ARPC1B: variants seen among roughly 807,000 people sequenced by gnomAD.
ARPC1B encodes actin-related protein 2/3 complex subunit 1B.
A neutral mutation model predicts 46.0 loss-of-function variants in ARPC1B; 29 were observed. The observed-to-expected ratio is 0.63, with a 90% confidence interval of 0.47 to 0.86. The LOEUF is 0.86. Among genes scored for constraint, ARPC1B ranks in the 40% least tolerant of loss-of-function variants. The pLI is 0.00. For synonymous variants in ARPC1B, 201 were observed against 213.9 expected (o/e 0.94, Z 0.53); for missense variants, 469 against 529.4 (o/e 0.89, Z 1.12).
At chr7:99,390,704 T>A (rs867941831) in intron 5 of ARPC1B, among the ~76,000 whole-genome samples, 189 bp from the exon 6 acceptor site, 3,128 of 145,096 alleles carry the variant, frequency 0.022, 52 homozygotes, top group South Asian at 0.038. Context: ...TAAAAAAAAT[T>A]TTTTTTTTTT....
chr7:99,385,719 C>T lies in ARPC1B; in HGVS notation c.5C>T (p.Ala2Val). The change falls in exon 2 of 10, where the codon GCC becomes GTC. Residue 2 changes from alanine (A) to valine (V), a missense_variant. Transcript: ENST00000646101. Reference protein sequence around the residue: MAYHSFLVEPIS... With the variant: MVYHSFLVEPIS... ...GGGCACAGGAGCCAAGCCGCCATGG[C>T]CTACCACAGCTTCCTGGTGGAGCCC... 1 of 1,610,302 alleles carries T rather than the reference C, an allele frequency of 6.2e-7. No individual in the cohort carries two copies. Among genetic ancestry groups the T allele is most frequent in the Admixed American group, 1.7e-5 (1 of 59,640 alleles).
chr7:99,392,610 C>A (rs931206993), intron 7 of ARPC1B, 61 bp from the exon 8 acceptor site: 4 of 1,402,304 alleles, frequency 2.9e-6, no homozygotes, highest in African/African-American at 3.0e-5. Flanking sequence ...GCCCGCCTGG[C>A]CTTCCCTCCG....
chr7:99,394,286 G>C (rs1794690621), intron 9 of ARPC1B, 165 bp from the exon 10 acceptor site: 4 of 1,031,366 alleles, frequency 3.9e-6, no homozygotes, highest in Non-Finnish European at 5.9e-6. Context: ...GTGCTCACTG[G>C]GGCACCCGTC....
intron 8 of ARPC1B, 75 bp from the exon 9 acceptor site, chr7:99,393,954 C>A (rs935644400): frequency 8.1e-6 from 12 of 1,472,846 alleles, no homozygotes; most frequent in Non-Finnish European, 1.1e-5. Flanking sequence ...AGTCTGGGAG[C>A]GCCTGGTGGA....
intron 4 of ARPC1B, chr7:99,388,549 GTCA>G: frequency 2.5e-6 from 1 of 403,316 alleles, no homozygotes; most frequent in South Asian, 3.6e-5. Context: ...CTGGGCATCG[GTCA>G]CTGTCCCCAC....
intron 1 of ARPC1B, among the ~76,000 whole-genome samples, chr7:99,378,661 C>A (rs533108786): frequency 6.7e-6 from 1 of 149,882 alleles, no homozygotes; most frequent in Non-Finnish European, 1.5e-5. Flanking sequence ...CCAGCCTGGG[C>A]GACAGAATGA....
rs1794712587 is a variant in ARPC1B, at chr7:99,394,778, G to GT, written c.*290dup. The GT allele has an allele frequency of 1.4e-5, 11 of 789,678 alleles. No homozygotes were observed. Among genetic ancestry groups the GT allele is most frequent in the South Asian group, 1.4e-4 (2 of 14,618 alleles). The allele number at this position is 789,678 out of a possible 1,614,324, so 48.9% of individuals were successfully genotyped here. On this transcript the variant is annotated 3_prime_UTR_variant, in exon 10 of 10. Transcript: ENST00000646101. ...TGTGGAGGTAATAAAATGCAACTGTGTAAAAAAAAAAAAAAAAAAAAAAGT... is the reference window on the plus strand; with the variant it reads ...TGTGGAGGTAATAAAATGCAACTGTGTTAAAAAAAAAAAAAAAAAAAAAAGT...
chr7:99,387,939 C>T (rs1349774997), intron 3 of ARPC1B, 100 bp from the exon 4 acceptor site: 3 of 773,580 alleles, frequency 3.9e-6, no homozygotes, highest in East Asian at 2.5e-5. Flanking sequence ...ATACAGCTTC[C>T]ACCTGGATGG....
intron 8 of ARPC1B, among the ~76,000 whole-genome samples, chr7:99,393,256 G>A (rs1430263721): frequency 6.6e-6 from 1 of 152,246 alleles, no homozygotes; most frequent in Non-Finnish European, 1.5e-5. Flanking sequence ...AGGTGCTAGT[G>A]GAGCCTGGGA....
chr7:99,390,702 AT>A (rs557286731), intron 5 of ARPC1B, among the ~76,000 whole-genome samples, 190 bp from the exon 6 acceptor site: 3,411 of 142,986 alleles, frequency 0.024, 53 homozygotes, highest in South Asian at 0.039. Flanking sequence ...TTTAAAAAAA[AT>A]TTTTTTTTTT....
chr7:99,374,870 T>C lies in ARPC1B; in HGVS notation c.-14+89T>C, dbSNP rs1793985381. On this transcript the variant is annotated intron_variant, in intron 1 of 9. Coordinates refer to ENST00000646101, the MANE Select transcript of ARPC1B (RefSeq NM_005720.4). The surrounding 1 kb of genome is among the most constrained non-coding windows in gnomAD (Gnocchi z 5.0). Reference sequence around the variant, plus strand: ...GTAGATGTGGGGCGCCGCCTGGGAGTGAGCGGGACTGGAGGGATGAGAGGG... The same window carrying C: ...GTAGATGTGGGGCGCCGCCTGGGAGCGAGCGGGACTGGAGGGATGAGAGGG... The C allele has an allele frequency of 7.9e-6, 1 of 126,296 alleles. No homozygotes were observed. The highest frequency in any genetic ancestry group is 2.6e-4 in the South Asian group (1 of 3,880). 7.8% of individuals were successfully genotyped at this position (126,296 alleles called of 1,614,324 possible). A position where few individuals can be genotyped will look rare whatever the true frequency, so the allele number is the denominator to read the frequency against.
At chr7:99,389,724 C>T in intron 4 of ARPC1B, 181 bp from the exon 5 acceptor site, 4 of 626,078 alleles carry the variant, frequency 6.4e-6, no homozygotes, top group South Asian at 5.5e-5. Flanking sequence ...AGAAGCGACA[C>T]AGCACATCCC....
At chr7:99,385,312 G>T (rs1283327288) in intron 1 of ARPC1B, among the ~76,000 whole-genome samples, 2 of 146,360 alleles carry the variant, frequency 1.4e-5, no homozygotes, top group Non-Finnish European at 3.1e-5. Context: ...GGGTGGGGGG[G>T]GGGGGGTCGT....
In ARPC1B at chr7:99,390,831, G is replaced by A. The variant is rs1794548685; in HGVS notation, c.501-62G>A. The stretch of plus-strand genomic sequence containing the variant: ...TCCCGCCTCAGCCTCCTGAGTAGCT[G>A]AGAGTACAGGTGCGCACCACCATGC... On this transcript the variant is annotated intron_variant, in intron 5 of 9. Coordinates refer to ENST00000646101, the MANE Select transcript of ARPC1B (RefSeq NM_005720.4). 2.7e-6 allele frequency: 4 copies of A among 1,461,590 alleles called. No individual in the cohort carries two copies. In the Admixed American group the frequency reaches 7.6e-5, roughly 28 times the overall value. 90.5% of individuals were successfully genotyped at this position (1,461,590 alleles called of 1,614,324 possible). A position where few individuals can be genotyped will look rare whatever the true frequency, so the allele number is the denominator to read the frequency against.
rs1554350911 is a variant in ARPC1B, at chr7:99,394,779, T to TG, written c.*290_*291insG. 1.3e-6 allele frequency: 1 copy of TG among 795,938 alleles called. No homozygotes were observed. The highest frequency in any genetic ancestry group is 1.5e-6 in the Non-Finnish European group (1 of 663,202). The allele number at this position is 795,938 out of a possible 1,614,324, so 49.3% of individuals were successfully genotyped here. On this transcript the variant is annotated 3_prime_UTR_variant, in exon 10 of 10. Coordinates refer to ENST00000646101, the MANE Select transcript of ARPC1B (RefSeq NM_005720.4). ...GTGGAGGTAATAAAATGCAACTGTG[T>TG]AAAAAAAAAAAAAAAAAAAAAAGTA...
chr7:99,393,160 C>T (rs991933124), intron 8 of ARPC1B, among the ~76,000 whole-genome samples: 2 of 152,166 alleles, frequency 1.3e-5, no homozygotes, highest in Non-Finnish European at 2.9e-5. Flanking sequence ...GCGTAGCGGG[C>T]CCAGGGTAGG....
intron 9 of ARPC1B, 135 bp from the exon 10 acceptor site, chr7:99,394,316 C>A: frequency 9.2e-7 from 1 of 1,083,184 alleles, no homozygotes; most frequent in Non-Finnish European, 1.4e-6. Context: ...GGGATTCCAA[C>A]CCAGCTGACA....
In ARPC1B at chr7:99,385,797, C is replaced by A. The variant is rs748463536; in HGVS notation, c.64+19C>A. 3.1e-6 allele frequency: 5 copies of A among 1,601,258 alleles called. No homozygotes were observed. In the South Asian group the frequency reaches 3.4e-5, roughly 11 times the overall value. On this transcript the variant is annotated intron_variant, in intron 2 of 9. Coordinates refer to ENST00000646101, the MANE Select transcript of ARPC1B (RefSeq NM_005720.4). Reference sequence around the variant, plus strand: ...CGCACCCGTGAGTGCTTGCTGGGGGCCGGTGGGTGGCTGCTTCCACCTCCT... The same window carrying A: ...CGCACCCGTGAGTGCTTGCTGGGGGACGGTGGGTGGCTGCTTCCACCTCCT...
At chr7:99,394,171 C>CCCCCCATCCCCACTCCCTGGAGATGA in intron 9 of ARPC1B, 52 bp downstream of exon 9, 2 of 1,567,714 alleles carry the variant, frequency 1.3e-6, no homozygotes, top group Non-Finnish European at 8.7e-7. Flanking sequence ...TCAACCCTTT[C>CCCCCCATCCCCACTCCCTGGAGATGA]CCCCCATCCC....
Sources: allele counts gnomAD v4.1 joint callset (sites outside exome capture counted in the v4.1 genomes callset), GRCh38; gene constraint gnomAD v4.1.1; non-coding constraint Gnocchi (gnomAD v3.1); transcripts MANE v1.5; gene names NCBI Gene and HGNC (gene_info 2026-07-23, HGNC 2026-07-21).